CEP135: variants seen among roughly 807,000 people sequenced by gnomAD.
The protein encoded by CEP135 is centrosomal protein 135.
Under a neutral mutation model 157.3 loss-of-function variants are expected in CEP135, and 142 were observed. The ratio of observed to expected loss-of-function variants is 0.90; its 90% CI spans 0.79 to 1.04. CEP135 has a LOEUF of 1.04. CEP135 is among the 50% of genes least tolerant of loss of function. The pLI is 0.00. For missense variants in CEP135, 1,317 were observed against 1,309.2 expected, an observed-to-expected ratio of 1.01 and a Z score of -0.09; for synonymous variants, 396 against 439.8, an observed-to-expected ratio of 0.90 and a Z score of 1.25.
intron 4 of CEP135, 69 bp from the exon 5 acceptor site, chr4:55,957,154 C>T: frequency 6.5e-7 from 1 of 1,534,480 alleles, no homozygotes; most frequent in Non-Finnish European, 8.9e-7. Flanking sequence ...GAAAGGCTAA[C>T]CTGGAATATT....
intron 25 of CEP135, among the ~76,000 whole-genome samples, chr4:56,025,230 C>T (rs1731117360): frequency 6.6e-6 from 1 of 152,192 alleles, no homozygotes; most frequent in African/African-American, 2.4e-5. Context: ...GTCCTCCCAC[C>T]TCAGCCTCTT....
chr4:55,956,760 G>A (rs897420590), intron 4 of CEP135, among the ~76,000 whole-genome samples: 1 of 152,180 alleles, frequency 6.6e-6, no homozygotes, highest in African/African-American at 2.4e-5. Flanking sequence ...ACAGGTGCCC[G>A]TTACCACGCC....
intron 25 of CEP135, among the ~76,000 whole-genome samples, chr4:56,029,045 G>A (rs1415124324): frequency 6.6e-6 from 1 of 152,134 alleles, no homozygotes; most frequent in African/African-American, 2.4e-5. Context: ...ACAGAACTCA[G>A]GGAAACATTT....
chr4:55,973,015 T>C (rs1224173367), intron 10 of CEP135, among the ~76,000 whole-genome samples: 2 of 151,996 alleles, frequency 1.3e-5, no homozygotes, highest in African/African-American at 2.4e-5. Flanking sequence ...TGGGCAAAAA[T>C]AGTGAAACTG....
At chr4:55,999,883 T>C (rs1730104860) in intron 17 of CEP135, among the ~76,000 whole-genome samples, 1 of 152,210 alleles carries the variant, frequency 6.6e-6, no homozygotes, top group Non-Finnish European at 1.5e-5. Flanking sequence ...TATTCATTTC[T>C]TTTTTAAAAG....
At chr4:55,972,276 G>A (rs1729053368) in intron 10 of CEP135, among the ~76,000 whole-genome samples, 1 of 152,168 alleles carries the variant, frequency 6.6e-6, no homozygotes, top group Admixed American at 6.5e-5. Context: ...ATACATAAGG[G>A]CCCTGCTCTT....
chr4:56,018,545 C>T lies in CEP135; in HGVS notation c.3012+688C>T, dbSNP rs1035233009. On this transcript the variant is annotated intron_variant, in intron 22 of 25. Transcript: ENST00000257287. ...AGTCGAGTCAGGCAGATTGCTTGAG[C>T]TCAGGAGTTTGAAACCAGCCTGGAT... 7.2e-5 allele frequency among the ~76,000 whole-genome samples: 11 copies of T among 152,020 alleles called. 1 individual carries two copies. Among genetic ancestry groups the T allele is most frequent in the Non-Finnish European group, 1.2e-4 (8 of 68,016 alleles).
rs376925344 is a variant in CEP135, at chr4:55,953,190, T to C, written c.219T>C (p.Leu73=). The part of the protein sequence containing the change: ...NFDFVLEPYK[L]ENARLSRENN... ...ATTTTGTTTTGGAACCCTATAAACT[T>C]GAAAATGCAAGATTGAGTAGAGAAA... The change falls in exon 3 of 26, where the codon CTT becomes CTC. Residue 73 remains leucine, a synonymous_variant. Coordinates refer to ENST00000257287, the MANE Select transcript of CEP135 (RefSeq NM_025009.5). 3.1e-6 allele frequency: 5 copies of C among 1,606,552 alleles called. No individual in the cohort carries two copies. Among genetic ancestry groups the C allele is most frequent in the African/African-American group, 2.7e-5 (2 of 74,566 alleles).
chr4:55,975,115 A>C, intron 11 of CEP135, 146 bp downstream of exon 11: 1 of 575,976 alleles, frequency 1.7e-6, no homozygotes, highest in South Asian at 2.5e-5. Context: ...CCTGCACTAT[A>C]GGAACACTAC....
chr4:56,021,011 A>G (rs956428191), intron 24 of CEP135, among the ~76,000 whole-genome samples: 2 of 152,238 alleles, frequency 1.3e-5, no homozygotes, highest in Non-Finnish European at 2.9e-5. Flanking sequence ...ATAAATATTT[A>G]TTGAATAAAA....
chr4:55,960,057 C>T, intron 6 of CEP135: 1 of 508,962 alleles, frequency 2.0e-6, no homozygotes, highest in Non-Finnish European at 3.4e-6. Context: ...CACTTATTTA[C>T]TCGATTCTCT....
intron 9 of CEP135, among the ~76,000 whole-genome samples, chr4:55,969,555 A>T (rs1728955812): frequency 6.6e-6 from 1 of 152,100 alleles, no homozygotes; most frequent in African/African-American, 2.4e-5. Flanking sequence ...TATAAAGGGA[A>T]TCATATATTT....
chr4:55,954,207 C>A lies in CEP135; in HGVS notation c.305-9C>A, dbSNP rs769583999. ...TTTAAAACGGTCTTTGAATCTTTTT[C>A]ATTTTAAGAGTTGAAAACTTCATTG... is the stretch of plus-strand genomic sequence containing the variant. On this transcript the variant is annotated splice_polypyrimidine_tract_variant and intron_variant, in intron 3 of 25. Coordinates refer to ENST00000257287, the MANE Select transcript of CEP135 (RefSeq NM_025009.5). 3 of 1,554,364 alleles carry A rather than the reference C, an allele frequency of 1.9e-6. No homozygotes were observed. Among genetic ancestry groups the A allele is most frequent in the South Asian group, 2.5e-5 (2 of 80,862 alleles).
At chr4:55,996,271 C>A (rs1729966138) in intron 15 of CEP135, among the ~76,000 whole-genome samples, 1 of 152,082 alleles carries the variant, frequency 6.6e-6, no homozygotes, top group Non-Finnish European at 1.5e-5. Flanking sequence ...TAGGCATGCA[C>A]CACTACACTC....
Position 56,009,807 on chromosome 4 carries a change from CAAAG to C in CEP135, c.2412_2415del (p.Lys804AsnfsTer5). Reference sequence around the variant, plus strand: ...TCCGGCGCCAGCTTGATGCAGCTCACAAAGAACTCGATGAAGTAGGAAGATCTAG... The same window carrying C: ...TCCGGCGCCAGCTTGATGCAGCTCACAACTCGATGAAGTAGGAAGATCTAG... On this transcript the variant is annotated frameshift_variant, in exon 19 of 26. Coordinates refer to ENST00000257287, the MANE Select transcript of CEP135 (RefSeq NM_025009.5). LOFTEE classifies it high-confidence loss of function. The C allele has an allele frequency of 6.2e-7, 1 of 1,614,052 alleles. No individual in the cohort carries two copies. The highest frequency in any genetic ancestry group is 1.1e-5 in the South Asian group (1 of 91,060).
chr4:55,951,089 A>G (rs927774083), intron 1 of CEP135, among the ~76,000 whole-genome samples: 109 of 152,312 alleles, frequency 7.2e-4, no homozygotes, highest in Middle Eastern at 3.4e-3. Context: ...GTTGATGTGT[A>G]TCAGTAGTTC....
chr4:55,966,038 G>T (rs539662292), intron 8 of CEP135, 179 bp downstream of exon 8: 1 of 563,510 alleles, frequency 1.8e-6, no homozygotes, highest in Non-Finnish European at 3.1e-6. Context: ...GTAAATGATT[G>T]TAGTTGTTTT....
intron 6 of CEP135, 86 bp from the exon 7 acceptor site, chr4:55,964,188 A>C: frequency 7.5e-7 from 1 of 1,326,514 alleles, no homozygotes; most frequent in Non-Finnish European, 1.0e-6. Context: ...TACATAAGAA[A>C]ATATATCCAA....
chr4:56,024,768 G>C (rs1342286408), intron 25 of CEP135, among the ~76,000 whole-genome samples, 154 bp downstream of exon 25: 1 of 151,830 alleles, frequency 6.6e-6, no homozygotes, highest in Non-Finnish European at 1.5e-5. Flanking sequence ...GGTGATAGTA[G>C]TTATGTGGGT....
Sources: gnomAD v4.1 joint callset for allele counts (sites outside exome capture counted in the v4.1 genomes callset) on GRCh38, gnomAD v4.1.1 for gene constraint, MANE v1.5 for transcripts, NCBI Gene and HGNC (gene_info 2026-07-23, HGNC 2026-07-21) for gene names.